Variants in TNRC18 observed in about 807,000 individuals in gnomAD.
The protein encoded by TNRC18 is trinucleotide repeat containing 18.
Under a neutral mutation model 226.7 loss-of-function variants are expected in TNRC18, and 69 were observed. The observed-to-expected ratio is 0.30, with a 90% CI of 0.25 to 0.37. TNRC18 has a LOEUF of 0.37. Among genes scored for constraint, TNRC18 ranks in the 10% least tolerant of loss-of-function variants. The pLI is 1.00. For synonymous variants in TNRC18, 2,449 were observed against 1,927.6 expected (o/e 1.27, Z -7.09); for missense variants, 4,754 against 4,256.6 (o/e 1.12, Z -3.25).
At chr7:5,337,073 G>A (rs368418392) in intron 18 of TNRC18, among the ~76,000 whole-genome samples, 65 of 152,210 alleles carry the variant, frequency 4.3e-4, no homozygotes, top group African/African-American at 7.2e-4. Context: ...AATCCGCCAC[G>A]AGGCATGCCA....
chr7:5,355,659 G>T (rs921378728), intron 16 of TNRC18, among the ~76,000 whole-genome samples: 4 of 152,176 alleles, frequency 2.6e-5, no homozygotes, highest in Admixed American at 1.3e-4. Flanking sequence ...GTTCAGAGGG[G>T]AGGATTGCTT....
At chr7:5,402,106 G>T (rs1346275181) in intron 2 of TNRC18, among the ~76,000 whole-genome samples, 1 of 151,196 alleles carries the variant, frequency 6.6e-6, no homozygotes, top group Non-Finnish European at 1.5e-5. Context: ...ATGAACCCGG[G>T]AGGCGGAGCA....
At chr7:5,350,321 C>A (rs1348295398) in intron 17 of TNRC18, among the ~76,000 whole-genome samples, 1 of 151,942 alleles carries the variant, frequency 6.6e-6, no homozygotes, top group Non-Finnish European at 1.5e-5. Flanking sequence ...GCATCGTACT[C>A]CTCGCCATAC....
In TNRC18 at chr7:5,388,177, C is replaced by A; in HGVS notation, c.1647G>T (p.Lys549Asn). 2 of 1,583,118 alleles carry A rather than the reference C, an allele frequency of 1.3e-6. No individual in the cohort carries two copies. Among genetic ancestry groups the A allele is most frequent in the Non-Finnish European group, 1.7e-6 (2 of 1,166,540 alleles). Residue 549 changes from lysine to asparagine, a missense_variant, in exon 5 of 30, where the codon AAG becomes AAT. Coordinates refer to ENST00000430969, the MANE Select transcript of TNRC18 (RefSeq NM_001080495.3). ...GCACAGCCCCAGGGTCCAGGTAGGC[C>A]TTCTTGGAGGAGGAGGCAGCGACCA... is the stretch of plus-strand genomic sequence containing the variant. ...AAVVAASSSK[K>N]AYLDPGAVLP... is the part of the protein sequence containing the mutation.
At chr7:5,393,117 A>G (rs7810692) in intron 3 of TNRC18, among the ~76,000 whole-genome samples, 26,549 of 152,236 alleles carry the variant, frequency 0.17, 3,889 homozygotes, top group African/African-American at 0.39. Context: ...GTTTGTGGTC[A>G]TCACTAGGAT....
chr7:5,370,966 C>G lies in TNRC18; in HGVS notation c.3628G>C (p.Gly1210Arg). The G allele has an allele frequency of 6.2e-7, 1 of 1,605,620 alleles. No individual in the cohort carries two copies. The highest frequency in any genetic ancestry group is 8.5e-7 in the Non-Finnish European group (1 of 1,179,716). ...TCAGAGGGCTCTGCGCAGCTCTGCCCGGTGGCACTCAGCGCCTGGGCCTCC... is the reference window on the plus strand; with the variant it reads ...TCAGAGGGCTCTGCGCAGCTCTGCCGGGTGGCACTCAGCGCCTGGGCCTCC... Reference protein sequence around the residue: ...LLEAQALSATGQSCAEPSECP... With the variant: ...LLEAQALSATRQSCAEPSECP... The change falls in exon 11 of 30, where the codon GGG becomes CGG. Residue 1210 changes from glycine to arginine, a missense_variant. By Grantham distance (125) the Gly-to-Arg change is moderately radical. Coordinates refer to ENST00000430969, the MANE Select transcript of TNRC18 (RefSeq NM_001080495.3).
chr7:5,379,383 G>A (rs1199293401), intron 5 of TNRC18, among the ~76,000 whole-genome samples: 14 of 150,440 alleles, frequency 9.3e-5, no homozygotes, highest in East Asian at 1.9e-4. Flanking sequence ...GTGACAGAGC[G>A]AGACCCAGAC....
intron 2 of TNRC18, among the ~76,000 whole-genome samples, chr7:5,406,768 T>C (rs1781493012): frequency 6.6e-6 from 1 of 150,696 alleles, no homozygotes; most frequent in Admixed American, 6.6e-5. Context: ...GGAGAGTCAC[T>C]TGAACCCAGG....
In TNRC18 at chr7:5,376,974, CAG is replaced by C; in HGVS notation, c.2479_2480del (p.Leu827AlafsTer37). On this transcript the variant is annotated frameshift_variant, in exon 8 of 30. Coordinates refer to ENST00000430969, the MANE Select transcript of TNRC18 (RefSeq NM_001080495.3). LOFTEE classifies it high-confidence loss of function. ...GHPYGLGPPS[L>X]HQGMAPAFPP... ...GGAACGCAGGGGCCATGCCCTGGTG[CAG>C]AGATGGGGGACCCAAGCCTAGGAGG... The C allele has an allele frequency of 6.3e-7, 1 of 1,583,990 alleles. No homozygotes were observed. The highest frequency in any genetic ancestry group is 8.6e-7 in the Non-Finnish European group (1 of 1,165,472).
At chr7:5,345,517 G>GGGGGGGGCCCCCCCCCCCCCCCCC in intron 18 of TNRC18, 45 bp downstream of exon 18, 18 of 377,734 alleles carry the variant, frequency 4.8e-5, no homozygotes, top group Non-Finnish European at 7.7e-5. Context: ...AATGGCGTCC[G>GGGGGGGGCCCCCCCCCCCCCCCCC]CCCCTCCCAC....
At chr7:5,342,769 A>C (rs920246353) in intron 18 of TNRC18, among the ~76,000 whole-genome samples, 3 of 152,220 alleles carry the variant, frequency 2.0e-5, no homozygotes, top group African/African-American at 4.8e-5. Context: ...GACTGCTTCC[A>C]ATGTTGAAAG....
chr7:5,328,607 C>T (rs1230557898), intron 19 of TNRC18, among the ~76,000 whole-genome samples: 1 of 151,710 alleles, frequency 6.6e-6, no homozygotes. Flanking sequence ...CTCCTGGGTT[C>T]GAGCGATTCT....
chr7:5,400,370 G>A (rs1231534526), intron 2 of TNRC18, among the ~76,000 whole-genome samples: 2 of 152,084 alleles, frequency 1.3e-5, no homozygotes, highest in South Asian at 2.1e-4. Context: ...AGCACTTTGG[G>A]AGGCAGAGGC....
chr7:5,368,862 G>A (rs1458956341), intron 11 of TNRC18, among the ~76,000 whole-genome samples: 10 of 152,086 alleles, frequency 6.6e-5, no homozygotes. Flanking sequence ...TCTAGGCCCA[G>A]TTTTCCATGC....
chr7:5,347,657 C>G (rs1464865885), intron 17 of TNRC18, among the ~76,000 whole-genome samples: 2 of 145,878 alleles, frequency 1.4e-5, no homozygotes, highest in African/African-American at 5.1e-5. Flanking sequence ...AGAGCGAGAC[C>G]CTGTCTCAAA....
At chr7:5,317,875 A>AT (rs55888158) in intron 24 of TNRC18, among the ~76,000 whole-genome samples, 4,611 of 146,182 alleles carry the variant, frequency 0.032, 128 homozygotes, top group Admixed American at 0.074. Flanking sequence ...CTGGATAATA[A>AT]TTTTTTTTTT....
At chr7:5,366,840 C>T (rs1396071554) in intron 11 of TNRC18, among the ~76,000 whole-genome samples, 1 of 152,206 alleles carries the variant, frequency 6.6e-6, no homozygotes, top group East Asian at 1.9e-4. Flanking sequence ...TTCACCCTCC[C>T]ACAAACCTAT....
At chr7:5,334,516 C>A (rs1331939838) in intron 18 of TNRC18, among the ~76,000 whole-genome samples, 3 of 149,320 alleles carry the variant, frequency 2.0e-5, no homozygotes, top group African/African-American at 7.4e-5. Context: ...GCAGGCTGGT[C>A]TCGAACTCCT....
intron 2 of TNRC18, among the ~76,000 whole-genome samples, chr7:5,409,931 C>T (rs1378358653): frequency 6.8e-6 from 1 of 146,684 alleles, no homozygotes; most frequent in Non-Finnish European, 1.5e-5. Context: ...GTGGAGCTTG[C>T]AGTGAGCCGA....
Sources: allele counts gnomAD v4.1 joint callset (sites outside exome capture counted in the v4.1 genomes callset), GRCh38; gene constraint gnomAD v4.1.1; transcripts MANE v1.5; gene names NCBI Gene and HGNC (gene_info 2026-07-23, HGNC 2026-07-21).